Variants in TRHDE observed in about 807,000 individuals in gnomAD.
TRHDE encodes the protein thyrotropin releasing hormone degrading enzyme.
Under a neutral mutation model 125.7 loss-of-function variants are expected in TRHDE, and 72 were observed. The observed-to-expected ratio is 0.57, with a 90% confidence interval of 0.47 to 0.70. TRHDE has a LOEUF of 0.70. Ranked by LOEUF, TRHDE falls within the 30% of genes least tolerant of loss-of-function variation. The pLI, the probability that TRHDE is intolerant of heterozygous loss-of-function variation, is 0.00. For synonymous variants in TRHDE, 509 were observed against 509.1 expected, an observed-to-expected ratio of 1.00 and a Z score of 0.00; for missense variants, 1,110 against 1,327.1, an observed-to-expected ratio of 0.84 and a Z score of 2.54.
rs142079746 is a variant in TRHDE at position 72,422,212 on chromosome 12, T to A, written c.1315+44091T>A. Among the ~76,000 whole-genome samples the A allele has an allele frequency of 4.5e-3, 682 of 152,222 alleles. 8 individuals are homozygous for A. The highest frequency in any genetic ancestry group is 0.015 in the African/African-American group (642 of 41,546). On this transcript the variant is annotated intron_variant, in intron 3 of 18. Coordinates refer to ENST00000261180, the MANE Select transcript of TRHDE (RefSeq NM_013381.3). Reference sequence around the variant, plus strand: ...TTAGAACAGTGACAAGAGGAGAAAATCTTGCCAATTTTGTGCTGCACCTTA... The same window carrying A: ...TTAGAACAGTGACAAGAGGAGAAAAACTTGCCAATTTTGTGCTGCACCTTA...
chr12:72,111,657 C>A (rs79215366), intron 2 of TRHDE, among the ~76,000 whole-genome samples: 16,644 of 152,100 alleles, frequency 0.11, 1,720 homozygotes, highest in African/African-American at 0.27. Flanking sequence ...ATTTCTGGTC[C>A]AGTTTGCTGA....
chr12:72,488,655 C>G (rs1225811487), intron 5 of TRHDE, among the ~76,000 whole-genome samples: 1 of 151,812 alleles, frequency 6.6e-6, no homozygotes, highest in East Asian at 1.9e-4. Flanking sequence ...CCAAATGAAC[C>G]TAGTAGACAT....
Position 72,514,952 on chromosome 12 carries a change from A to G in TRHDE, c.1722+15317A>G, listed in dbSNP as rs1483143920. 1.0e-4 allele frequency among the ~76,000 whole-genome samples: 15 copies of G among 149,478 alleles called. No homozygotes were observed. The South Asian group carries it at 3.2e-3, about 32-fold the overall frequency. On this transcript the variant is annotated intron_variant, in intron 6 of 18. Coordinates refer to ENST00000261180, the MANE Select transcript of TRHDE (RefSeq NM_013381.3). ...GATTTCCAATTTCATCCATGTCCCT[A>G]CAAAGGACATGAACTCATCATTTTC... is the stretch of plus-strand genomic sequence containing the variant.
intron 6 of TRHDE, among the ~76,000 whole-genome samples, chr12:72,531,879 G>A (rs948038973): frequency 6.6e-6 from 1 of 151,960 alleles, no homozygotes; most frequent in Non-Finnish European, 1.5e-5. Flanking sequence ...CAACTTTATA[G>A]TTTTGTTATT....
intron 3 of TRHDE, among the ~76,000 whole-genome samples, chr12:72,413,577 G>A (rs181840918): frequency 2.6e-5 from 4 of 151,762 alleles, no homozygotes; most frequent in African/African-American, 9.7e-5. Context: ...AACTATGTAT[G>A]TAATTAATTT....
intron 15 of TRHDE, among the ~76,000 whole-genome samples, chr12:72,623,352 C>A (rs1873129166): frequency 6.6e-6 from 1 of 151,964 alleles, no homozygotes; most frequent in Non-Finnish European, 1.5e-5. Flanking sequence ...GGTCTACTCA[C>A]ATAAACATGT....
At chr12:72,191,857 A>G (rs1403653927) in intron 2 of TRHDE, among the ~76,000 whole-genome samples, 1 of 152,222 alleles carries the variant, frequency 6.6e-6, no homozygotes, top group African/African-American at 2.4e-5. Context: ...TTATTTTTTA[A>G]AATCAGTGAC....
intron 2 of TRHDE, among the ~76,000 whole-genome samples, chr12:72,322,774 A>T (rs1050900293): frequency 3.9e-5 from 6 of 152,164 alleles, no homozygotes; most frequent in African/African-American, 1.4e-4. Context: ...AATACCTCAC[A>T]AACTCAGTGC....
intron 3 of TRHDE, among the ~76,000 whole-genome samples, chr12:72,430,675 C>T (rs1034549826): frequency 1.3e-5 from 2 of 151,804 alleles, no homozygotes; most frequent in African/African-American, 4.8e-5. Flanking sequence ...ATTCCTATTA[C>T]CTTAAAGTGT....
intron 12 of TRHDE, among the ~76,000 whole-genome samples, chr12:72,617,403 G>A (rs11179283): frequency 0.1 from 15,797 of 152,082 alleles, 1,150 homozygotes; most frequent in African/African-American, 0.2. Flanking sequence ...GTAGGGTAAT[G>A]TTTGCATATG....
chr12:72,637,983 G>A (rs566386383), intron 15 of TRHDE, among the ~76,000 whole-genome samples: 13 of 151,896 alleles, frequency 8.6e-5, no homozygotes, highest in Admixed American at 6.6e-5. Context: ...ATATTCTGTC[G>A]ATTTGGGGTG....
chr12:72,320,668 C>T lies in TRHDE; in HGVS notation c.1188+33714C>T, dbSNP rs1478929343. ...TAATTTCTATCACTGCAGAGTTTTA[C>T]CTTGATAAAAAGGATATATTTTTAA... On this transcript the variant is annotated intron_variant, in intron 2 of 18. Coordinates refer to ENST00000261180, the MANE Select transcript of TRHDE (RefSeq NM_013381.3). Among the ~76,000 whole-genome samples the T allele has an allele frequency of 2.6e-5, 4 of 151,400 alleles. No homozygotes were observed. In the East Asian group the frequency reaches 7.8e-4, roughly 29 times the overall value.
intron 2 of TRHDE, among the ~76,000 whole-genome samples, chr12:72,315,935 T>C (rs1868779906): frequency 6.6e-6 from 1 of 152,216 alleles, no homozygotes. Flanking sequence ...TTTTATGTAA[T>C]TTAGCTGGGG....
At chr12:72,126,598 T>C (rs973058051) in intron 2 of TRHDE, among the ~76,000 whole-genome samples, 1 of 152,152 alleles carries the variant, frequency 6.6e-6, no homozygotes, top group African/African-American at 2.4e-5. Flanking sequence ...AAATAAGTAA[T>C]GAGAAGAGGA....
chr12:72,267,128 G>A (rs1592506485), intron 2 of TRHDE, among the ~76,000 whole-genome samples: 2 of 152,104 alleles, frequency 1.3e-5, no homozygotes, highest in East Asian at 3.9e-4. Context: ...CTAGTTTAAC[G>A]GAAACATTTC....
rs1370179032 is a variant in TRHDE, at chr12:72,350,391, A to G, written c.1189-27604A>G. 4.6e-5 allele frequency among the ~76,000 whole-genome samples: 7 copies of G among 152,132 alleles called. No individual in the cohort carries two copies. The East Asian group carries it at 1.2e-3, about 25-fold the overall frequency. On this transcript the variant is annotated intron_variant, in intron 2 of 18. Coordinates refer to ENST00000261180, the MANE Select transcript of TRHDE (RefSeq NM_013381.3). ...TCTCTCTGTTGCAAGCCATCTACGTATTATATATCTCAATATATTAGTTAC... is the reference window on the plus strand; with the variant it reads ...TCTCTCTGTTGCAAGCCATCTACGTGTTATATATCTCAATATATTAGTTAC...
chr12:72,256,650 T>G (rs1878821874), intron 2 of TRHDE: 1 of 152,172 alleles, frequency 6.6e-6, no homozygotes, highest in African/African-American at 2.4e-5. Flanking sequence ...AATGAATGAA[T>G]AGCAGAGATG....
intron 2 of TRHDE, among the ~76,000 whole-genome samples, chr12:72,325,559 A>AG (rs1304152712): frequency 1.3e-5 from 2 of 152,264 alleles, no homozygotes; most frequent in South Asian, 2.1e-4. Context: ...TATTTCATAG[A>AG]GAAAAAAAAG....
chr12:72,643,119 T>C (rs566641576), intron 15 of TRHDE, among the ~76,000 whole-genome samples: 2 of 152,280 alleles, frequency 1.3e-5, no homozygotes, highest in East Asian at 1.9e-4. Flanking sequence ...ATCTGCTGCA[T>C]GGATAAAAAA....
Sources: gnomAD v4.1 joint callset for allele counts (sites outside exome capture counted in the v4.1 genomes callset) on GRCh38, gnomAD v4.1.1 for gene constraint, MANE v1.5 for transcripts, NCBI Gene and HGNC (gene_info 2026-07-23, HGNC 2026-07-21) for gene names.